Variants in C8orf34 observed in about 807,000 individuals in gnomAD.
C8orf34 encodes the protein chromosome 8 open reading frame 34, also known as uncharacterized protein C8orf34.
C8orf34 carries 65 observed loss-of-function variants against 68.3 expected under a neutral mutation model. The observed-to-expected ratio is 0.95, with a 90% CI of 0.78 to 1.17. C8orf34 has a LOEUF of 1.17. C8orf34 is among the 50% of genes most tolerant of loss of function. The pLI is 0.00. For synonymous variants in C8orf34, 244 were observed against 241.2 expected (o/e 1.01, Z -0.11); for missense variants, 664 against 655.4 (o/e 1.01, Z -0.14).
intron 2 of C8orf34, among the ~76,000 whole-genome samples, chr8:68,443,509 C>T (rs1810996311): frequency 6.6e-6 from 1 of 152,064 alleles, no homozygotes. Context: ...ATTCTCCTGC[C>T]TCAGCCACCC....
At chr8:68,701,560 C>T (rs1360079295) in intron 8 of C8orf34, among the ~76,000 whole-genome samples, 1 of 151,882 alleles carries the variant, frequency 6.6e-6, no homozygotes, top group East Asian at 1.9e-4. Context: ...TTAAGCCAGT[C>T]CATTTCTGAG....
At chr8:68,741,274 A>T (rs1407643990) in intron 10 of C8orf34, among the ~76,000 whole-genome samples, 1 of 152,146 alleles carries the variant, frequency 6.6e-6, no homozygotes, top group Non-Finnish European at 1.5e-5. Flanking sequence ...ACCTTATATA[A>T]TTTTTTTCCA....
intron 8 of C8orf34, among the ~76,000 whole-genome samples, chr8:68,641,437 A>C (rs924114376): frequency 1.3e-5 from 2 of 152,216 alleles, no homozygotes; most frequent in Admixed American, 1.3e-4. Context: ...CCACTAAGAG[A>C]AATGGCATGG....
At chr8:68,806,186 A>T (rs1233816737) in intron 12 of C8orf34, among the ~76,000 whole-genome samples, 2 of 152,096 alleles carry the variant, frequency 1.3e-5, no homozygotes, top group African/African-American at 2.4e-5. Flanking sequence ...ATTTTAAAAC[A>T]CCATAAGGCT....
At chr8:68,449,756 G>A (rs767197558) in intron 3 of C8orf34, among the ~76,000 whole-genome samples, 13 of 152,076 alleles carry the variant, frequency 8.5e-5, no homozygotes, top group Non-Finnish European at 1.3e-4. Flanking sequence ...TTTTGCTGGT[G>A]AAGACCCTTG....
intron 7 of C8orf34, among the ~76,000 whole-genome samples, chr8:68,559,917 A>G (rs1303167770): frequency 2.0e-5 from 3 of 152,172 alleles, no homozygotes; most frequent in Non-Finnish European, 4.4e-5. Context: ...ACAGTCCCTG[A>G]AAGTCAAGTA....
chr8:68,414,612 TTCC>T, intron 1 of C8orf34, among the ~76,000 whole-genome samples: 1 of 54,836 alleles, frequency 1.8e-5, no homozygotes, highest in Admixed American at 1.7e-4. Flanking sequence ...TAAGACATGC[TTCC>T]TGACCTCAAG....
intron 7 of C8orf34, 52 bp from the exon 8 acceptor site, chr8:68,640,324 T>G (rs1175821907): frequency 6.4e-7 from 1 of 1,566,776 alleles, no homozygotes; most frequent in Non-Finnish European, 8.7e-7. Flanking sequence ...ATTTTTCTCC[T>G]TAATTCCACT....
At chr8:68,646,232 C>T (rs17386888) in intron 8 of C8orf34, among the ~76,000 whole-genome samples, 18,602 of 151,810 alleles carry the variant, frequency 0.12, 1,489 homozygotes, top group Middle Eastern at 0.25. Context: ...ATGGTATATC[C>T]AGAACCTTAT....
chr8:68,443,029 A>G (rs1233539624), intron 2 of C8orf34, among the ~76,000 whole-genome samples: 2 of 152,218 alleles, frequency 1.3e-5, no homozygotes, highest in African/African-American at 4.8e-5. Flanking sequence ...CTTCTATCAT[A>G]GAAGCAACAC....
chr8:68,552,648 TG>T (rs1816111394), intron 7 of C8orf34, among the ~76,000 whole-genome samples: 1 of 152,136 alleles, frequency 6.6e-6, no homozygotes, highest in South Asian at 2.1e-4. Context: ...ATCCTTGTAC[TG>T]TAATTTAGGG....
intron 3 of C8orf34, among the ~76,000 whole-genome samples, chr8:68,468,218 T>G (rs1812229996): frequency 6.6e-6 from 1 of 151,968 alleles, no homozygotes; most frequent in South Asian, 2.1e-4. Context: ...TTCAACTAAT[T>G]CTTTGAGGAA....
intron 10 of C8orf34, among the ~76,000 whole-genome samples, chr8:68,774,944 T>TAAAAAAAAAAAAAAAAAAA (rs1224756627): frequency 2.5e-4 from 11 of 44,680 alleles, no homozygotes; most frequent in African/African-American, 6.2e-4. Context: ...CTGTCTCCAC[T>TAAAAAAAAAAAAAAAAAAA]AAAAAAAAAA....
In C8orf34 at chr8:68,420,504, A is replaced by C. The variant is rs1333475684; in HGVS notation, c.328-18995A>C. Among the ~76,000 whole-genome samples, 6 of 151,972 alleles carry C rather than the reference A, an allele frequency of 3.9e-5. No individual in the cohort carries two copies. In the East Asian group the frequency reaches 1.2e-3, roughly 29 times the overall value. ...CCTCCTAGGCCACAAATCATTCCCC[A>C]AAACTAATTATGAAATGCAACATGT... On this transcript the variant is annotated intron_variant, in intron 1 of 13. Coordinates refer to ENST00000518698, the MANE Select transcript of C8orf34 (RefSeq NM_052958.4).
chr8:68,405,156 TG>T (rs951375119), intron 1 of C8orf34, among the ~76,000 whole-genome samples: 2 of 152,090 alleles, frequency 1.3e-5, no homozygotes, highest in African/African-American at 4.8e-5. Flanking sequence ...ATTCTTAAGA[TG>T]GTTTGATGAT....
intron 8 of C8orf34, among the ~76,000 whole-genome samples, chr8:68,670,387 A>G (rs1819970753): frequency 1.3e-5 from 2 of 152,184 alleles, no homozygotes; most frequent in South Asian, 2.1e-4. Flanking sequence ...TCATCAAATA[A>G]CCAAGAACGT....
chr8:68,372,295 TG>T (rs1156758543), intron 1 of C8orf34, among the ~76,000 whole-genome samples: 39 of 152,232 alleles, frequency 2.6e-4, no homozygotes, highest in African/African-American at 9.1e-4. Flanking sequence ...TGGGATAACA[TG>T]AGGTTATTAA....
chr8:68,502,971 C>T (rs1563490788), intron 5 of C8orf34, among the ~76,000 whole-genome samples: 1 of 152,020 alleles, frequency 6.6e-6, no homozygotes, highest in Admixed American at 6.5e-5. Context: ...AACCACATCA[C>T]AAGAATGTGA....
At chr8:68,375,518 A>G (rs1281483597) in intron 1 of C8orf34, among the ~76,000 whole-genome samples, 1 of 152,204 alleles carries the variant, frequency 6.6e-6, no homozygotes, top group Non-Finnish European at 1.5e-5. Flanking sequence ...CTCATATAGA[A>G]TGTTCAAGTA....
Sources: gnomAD v4.1 joint callset for allele counts (sites outside exome capture counted in the v4.1 genomes callset) on GRCh38, gnomAD v4.1.1 for gene constraint, MANE v1.5 for transcripts, NCBI Gene and HGNC (gene_info 2026-07-23, HGNC 2026-07-21) for gene names.